Variants in REDIC1 observed in about 807,000 individuals in gnomAD.
The protein encoded by REDIC1 is regulator of DNA class I crossover intermediates 1.
the REDIC1 span, among the ~76,000 whole-genome samples, chr12:39,633,496 A>G: frequency 1.3e-5 from 2 of 152,206 alleles, no homozygotes; most frequent in African/African-American, 2.4e-5. Context: ...TTTAATAAGC[A>G]GAAGGACTAT....
the REDIC1 span, among the ~76,000 whole-genome samples, chr12:39,861,089 T>C: frequency 6.6e-6 from 1 of 152,250 alleles, no homozygotes; most frequent in Non-Finnish European, 1.5e-5. Flanking sequence ...CGTTCCTTAC[T>C]GCCTTGCAGG....
chr12:39,886,211 G>A, the REDIC1 span, among the ~76,000 whole-genome samples: 306 of 152,176 alleles, frequency 2.0e-3, 4 homozygotes, highest in Admixed American at 0.018. Context: ...ACAGCCCTGG[G>A]CAAAGAGAGG....
chr12:39,864,820 G>A, the REDIC1 span: 29 of 1,613,862 alleles, frequency 1.8e-5, no homozygotes, highest in East Asian at 8.9e-5. Context: ...AAAGTGATGC[G>A]TGGGGAAACT....
At chr12:39,682,737 G>A in the REDIC1 span, 105 of 1,613,238 alleles carry the variant, frequency 6.5e-5, no homozygotes, top group Non-Finnish European at 8.3e-5. Context: ...ATATTTGGGG[G>A]AAAAATGGAA....
At chr12:39,818,259 T>C in the REDIC1 span, among the ~76,000 whole-genome samples, 1 of 152,088 alleles carries the variant, frequency 6.6e-6, no homozygotes, top group African/African-American at 2.4e-5. Flanking sequence ...TTTTGAAACT[T>C]TTCTGTGAAG....
At chr12:39,866,607 G>A in the REDIC1 span, among the ~76,000 whole-genome samples, 2 of 152,070 alleles carry the variant, frequency 1.3e-5, no homozygotes, top group Non-Finnish European at 2.9e-5. Flanking sequence ...AGCCTCTGGA[G>A]TAGCTGGGAC....
chr12:39,892,986 T>A, the REDIC1 span, among the ~76,000 whole-genome samples: 2 of 152,164 alleles, frequency 1.3e-5, no homozygotes, highest in Non-Finnish European at 2.9e-5. Context: ...ATTTAAAAAA[T>A]TTTTTGATGT....
chr12:39,678,590 C>G, the REDIC1 span, among the ~76,000 whole-genome samples: 1 of 141,190 alleles, frequency 7.1e-6, no homozygotes, highest in African/African-American at 2.7e-5. Flanking sequence ...TTCTGTGAAG[C>G]CAGTATCACC....
the REDIC1 span, among the ~76,000 whole-genome samples, chr12:39,853,168 C>G: frequency 1.3e-5 from 2 of 152,116 alleles, no homozygotes; most frequent in Non-Finnish European, 2.9e-5. Context: ...TGCCTAGTTA[C>G]GCTCACAAAG....
the REDIC1 span, among the ~76,000 whole-genome samples, chr12:39,703,863 G>T: frequency 7.9e-5 from 12 of 152,124 alleles, no homozygotes; most frequent in African/African-American, 1.9e-4. Flanking sequence ...TGGGAAAACT[G>T]GCTAGCCATA....
At chr12:39,898,082 G>A in the REDIC1 span, among the ~76,000 whole-genome samples, 2 of 152,030 alleles carry the variant, frequency 1.3e-5, no homozygotes, top group Admixed American at 6.6e-5. Flanking sequence ...CAAACAATCC[G>A]TTGTTGGGAA....
At chr12:39,859,547 A>G in the REDIC1 span, among the ~76,000 whole-genome samples, 1 of 152,050 alleles carries the variant, frequency 6.6e-6, no homozygotes, top group African/African-American at 2.4e-5. Context: ...TTTAAGACAG[A>G]GTCTCCCTCT....
At chr12:39,880,695 T>G in the REDIC1 span, among the ~76,000 whole-genome samples, 1 of 152,202 alleles carries the variant, frequency 6.6e-6, no homozygotes, top group Non-Finnish European at 1.5e-5. Flanking sequence ...ATAAGGGATT[T>G]CTACATATGC....
the REDIC1 span, among the ~76,000 whole-genome samples, chr12:39,719,727 A>G: frequency 6.6e-6 from 1 of 152,314 alleles, no homozygotes; most frequent in East Asian, 1.9e-4. Flanking sequence ...GCATCACTAA[A>G]GAAGCATGTT....
the REDIC1 span, among the ~76,000 whole-genome samples, chr12:39,726,154 C>T: frequency 1.3e-5 from 2 of 151,278 alleles, no homozygotes; most frequent in Non-Finnish European, 3.0e-5. Flanking sequence ...TCTTCCTCCT[C>T]TTCTTCTTCT....
At chr12:39,854,320 A>C in the REDIC1 span, among the ~76,000 whole-genome samples, 1 of 152,184 alleles carries the variant, frequency 6.6e-6, no homozygotes, top group Non-Finnish European at 1.5e-5. Flanking sequence ...AATATGAATA[A>C]TACTTGAATA....
the REDIC1 span, among the ~76,000 whole-genome samples, chr12:39,895,997 T>C: frequency 1.3e-5 from 2 of 148,382 alleles, no homozygotes; most frequent in African/African-American, 2.5e-5. Context: ...TTCATATATG[T>C]GTATATATAC....
At chr12:39,753,224 G>T in the REDIC1 span, among the ~76,000 whole-genome samples, 1 of 152,192 alleles carries the variant, frequency 6.6e-6, no homozygotes, top group Non-Finnish European at 1.5e-5. Context: ...GTTAAAAGAA[G>T]TAGCCTCAAT....
chr12:39,764,545 A>G, the REDIC1 span: 6 of 1,612,144 alleles, frequency 3.7e-6, no homozygotes, highest in South Asian at 1.1e-5. Context: ...ATGAACATGC[A>G]TTTCCTGTAC....
Sources: allele counts gnomAD v4.1 joint callset (sites outside exome capture counted in the v4.1 genomes callset), GRCh38; gene constraint gnomAD v4.1.1; transcripts MANE v1.5; gene names NCBI Gene and HGNC (gene_info 2026-07-23, HGNC 2026-07-21).